Variants in SLC4A10 observed in about 807,000 individuals in gnomAD.
SLC4A10 encodes the protein solute carrier family 4 member 10, also known as sodium-driven chloride bicarbonate exchanger.
In SLC4A10, 42 loss-of-function variants were observed where a neutral mutation model predicts 137.7. The ratio of observed to expected loss-of-function variants is 0.30; its 90% CI spans 0.24 to 0.39. The LOEUF (loss-of-function observed/expected upper bound fraction) is 0.39. Ranked by LOEUF, SLC4A10 falls within the 10% of genes least tolerant of loss-of-function variation. SLC4A10 has a pLI of 1.00. For missense variants in SLC4A10, 925 were observed against 1,355.0 expected (o/e 0.68, Z 4.98); for synonymous variants, 474 against 464.1 (o/e 1.02, Z -0.27).
chr2:161,828,276 C>A (rs540209548), intron 3 of SLC4A10, among the ~76,000 whole-genome samples: 18 of 152,248 alleles, frequency 1.2e-4, no homozygotes, highest in African/African-American at 3.8e-4. Context: ...AAACAGTATT[C>A]ATGACTCACT....
At chr2:161,827,959 G>A (rs926618956) in intron 3 of SLC4A10, among the ~76,000 whole-genome samples, 1 of 152,108 alleles carries the variant, frequency 6.6e-6, no homozygotes, top group Admixed American at 6.5e-5. Context: ...GACTAATTCT[G>A]GCAGGTAGAA....
chr2:161,908,300 G>C (rs958008214), intron 15 of SLC4A10, among the ~76,000 whole-genome samples: 1 of 151,822 alleles, frequency 6.6e-6, no homozygotes, highest in Non-Finnish European at 1.5e-5. Context: ...GAGATACCTG[G>C]TAGCTTTAAA....
chr2:161,688,113 CTTAAA>C lies in SLC4A10; in HGVS notation c.48+63551_48+63555del, dbSNP rs56982320. Among the ~76,000 whole-genome samples the C allele has an allele frequency of 7.1e-3, 1,084 of 152,174 alleles. 9 individuals carry two copies. Among genetic ancestry groups the C allele is most frequent in the African/African-American group, 0.023 (961 of 41,520 alleles). On this transcript the variant is annotated intron_variant, in intron 1 of 26. Transcript: ENST00000446997. Reference sequence around the variant, plus strand: ...AGTGATAAGAATAAAAGGAAATGGGCTTAAATTATAGTAAAAGAATTACTTAGGAA... The same window carrying C: ...AGTGATAAGAATAAAAGGAAATGGGCTTATAGTAAAAGAATTACTTAGGAA...
intron 10 of SLC4A10, among the ~76,000 whole-genome samples, chr2:161,887,299 A>G (rs781413219): frequency 1.3e-5 from 2 of 152,182 alleles, no homozygotes; most frequent in African/African-American, 2.4e-5. Flanking sequence ...TCTTTATAGT[A>G]GAATGATTTA....
chr2:161,844,102 T>G, intron 4 of SLC4A10, among the ~76,000 whole-genome samples: 1 of 152,134 alleles, frequency 6.6e-6, no homozygotes, highest in Non-Finnish European at 1.5e-5. Flanking sequence ...TGTGCAGTTG[T>G]GGCGACAACA....
intron 10 of SLC4A10, among the ~76,000 whole-genome samples, chr2:161,887,235 A>G (rs1478927390): frequency 6.6e-6 from 1 of 152,178 alleles, no homozygotes. Flanking sequence ...TATTGTGAAT[A>G]GTGCTGAAAT....
At chr2:161,904,464 A>G (rs7594396) in intron 13 of SLC4A10, among the ~76,000 whole-genome samples, 50,004 of 151,986 alleles carry the variant, frequency 0.33, 8,569 homozygotes, top group Admixed American at 0.41. Flanking sequence ...TTGTCTCACA[A>G]GAGGTCCATT....
At chr2:161,666,929 T>C (rs1186044632) in intron 1 of SLC4A10, among the ~76,000 whole-genome samples, 5 of 151,724 alleles carry the variant, frequency 3.3e-5, no homozygotes, top group African/African-American at 1.2e-4. Flanking sequence ...TTTGACACTA[T>C]TGGGTGGGTC....
intron 1 of SLC4A10, among the ~76,000 whole-genome samples, chr2:161,628,408 G>T (rs1443850897): frequency 6.6e-6 from 1 of 152,008 alleles, no homozygotes; most frequent in Admixed American, 6.6e-5. Flanking sequence ...ATATAGGATA[G>T]ATGATTGGAT....
intron 8 of SLC4A10, among the ~76,000 whole-genome samples, chr2:161,877,499 A>G (rs56140629): frequency 0.061 from 9,219 of 152,096 alleles, 368 homozygotes; most frequent in East Asian, 0.13. Context: ...GCATTACAAT[A>G]AAAATGTAAA....
chr2:161,939,077 A>G (rs1692161480), intron 15 of SLC4A10, among the ~76,000 whole-genome samples: 1 of 151,842 alleles, frequency 6.6e-6, no homozygotes, highest in Non-Finnish European at 1.5e-5. Flanking sequence ...AGCTAATTTT[A>G]TTTTTATTTT....
chr2:161,784,889 T>G (rs2053450789), intron 2 of SLC4A10, among the ~76,000 whole-genome samples: 1 of 149,086 alleles, frequency 6.7e-6, no homozygotes, highest in African/African-American at 2.4e-5. Context: ...TAGGAAGAAC[T>G]AGCAAAGATC....
intron 17 of SLC4A10, among the ~76,000 whole-genome samples, chr2:161,948,352 A>G (rs1694201098): frequency 6.6e-6 from 1 of 152,150 alleles, no homozygotes; most frequent in Non-Finnish European, 1.5e-5. Context: ...CTGGAAAAAT[A>G]TTTCAAGAAC....
chr2:161,637,161 G>A (rs1042919422), intron 1 of SLC4A10, among the ~76,000 whole-genome samples: 6 of 143,146 alleles, frequency 4.2e-5, no homozygotes, highest in African/African-American at 7.7e-5. Flanking sequence ...AGATATATAC[G>A]TATATATACA....
At chr2:161,671,168 C>T (rs564770804) in intron 1 of SLC4A10, among the ~76,000 whole-genome samples, 13 of 152,200 alleles carry the variant, frequency 8.5e-5, no homozygotes, top group African/African-American at 2.9e-4. Flanking sequence ...GAGCCCTGAT[C>T]GATAGAATTC....
intron 15 of SLC4A10, among the ~76,000 whole-genome samples, chr2:161,929,548 G>A (rs1278053947): frequency 6.6e-6 from 1 of 152,124 alleles, no homozygotes; most frequent in Non-Finnish European, 1.5e-5. Flanking sequence ...CCTGACCAAT[G>A]AGTTGAGCAT....
chr2:161,784,832 T>A (rs2053438686), intron 2 of SLC4A10, among the ~76,000 whole-genome samples: 1 of 151,070 alleles, frequency 6.6e-6, no homozygotes, highest in Middle Eastern at 3.4e-3. Flanking sequence ...AATTATACAT[T>A]TGAAGGGACT....
At chr2:161,793,489 A>G (rs1032799483) in intron 2 of SLC4A10, among the ~76,000 whole-genome samples, 3 of 136,060 alleles carry the variant, frequency 2.2e-5, no homozygotes, top group African/African-American at 5.7e-5. Context: ...CTCTAGTTCT[A>G]TGTGTTTGCC....
At position 161,979,535 on chromosome 2, in the gene SLC4A10, C is replaced by G. The variant is rs146630220; in HGVS notation, c.*26+1775C>G. Among the ~76,000 whole-genome samples the G allele has an allele frequency of 2.6e-5, 4 of 152,292 alleles. No individual in the cohort carries two copies. The East Asian group carries it at 7.7e-4, about 29-fold the overall frequency. ...TTGTGGTTTTCCATGTGAGAAACAT[C>G]TTTTGGTTGGTAGTTAATCTCTTTT... On this transcript the variant is annotated intron_variant, in intron 26 of 26. Transcript: ENST00000446997.
Sources: gnomAD v4.1 joint callset for allele counts (sites outside exome capture counted in the v4.1 genomes callset) on GRCh38, gnomAD v4.1.1 for gene constraint, MANE v1.5 for transcripts, NCBI Gene and HGNC (gene_info 2026-07-23, HGNC 2026-07-21) for gene names.